CRTC3: variants seen among roughly 807,000 people sequenced by gnomAD.
CRTC3 encodes the protein CREB-regulated transcription coactivator 3.
CRTC3 carries 26 observed loss-of-function variants against 74.5 expected under a neutral mutation model. The ratio of observed to expected loss-of-function variants is 0.35; its 90% CI spans 0.26 to 0.48. The LOEUF (loss-of-function observed/expected upper bound fraction) is 0.48, where lower values mean the gene tolerates loss of function less well. Ranked by LOEUF, CRTC3 falls within the 20% of genes least tolerant of loss-of-function variation. The pLI, the probability that CRTC3 is intolerant of heterozygous loss-of-function variation, is 0.99. For missense variants in CRTC3, 760 were observed against 787.3 expected (o/e 0.97, Z 0.41); for synonymous variants, 377 against 325.8 (o/e 1.16, Z -1.69).
chr15:90,637,711 A>G (rs1326679075), intron 11 of CRTC3: 1 of 152,150 alleles, frequency 6.6e-6, no homozygotes, highest in Admixed American at 6.5e-5. Context: ...GCAGAAGCAC[A>G]CTCAAGGCAA....
intron 11 of CRTC3, among the ~76,000 whole-genome samples, chr15:90,632,505 G>A (rs1054387832): frequency 1.3e-5 from 2 of 152,092 alleles, no homozygotes; most frequent in African/African-American, 2.4e-5. Context: ...AGTTCTAAAG[G>A]GCTTGTTATA....
At chr15:90,553,487 A>G (rs1359439526) in intron 2 of CRTC3, among the ~76,000 whole-genome samples, 1 of 152,174 alleles carries the variant, frequency 6.6e-6, no homozygotes, top group Non-Finnish European at 1.5e-5. Flanking sequence ...CTAGCCGTAC[A>G]TGTTGAATAG....
Position 90,645,229 on chromosome 15 carries a change from G to C in CRTC3, c.*3089G>C. The C allele has an allele frequency of 4.4e-6, 1 of 228,204 alleles. No individual in the cohort carries two copies. The highest frequency in any genetic ancestry group is 6.3e-5 in the East Asian group (1 of 15,964). The allele number at this position is 228,204 out of a possible 1,614,324, so 14.1% of individuals were successfully genotyped here. ...TCCTGCCAGTGTCCTAACCCCCAGG[G>C]CACCCTGTTCAACCATATTTAAAAA... On this transcript the variant is annotated 3_prime_UTR_variant, in exon 15 of 15. Coordinates refer to ENST00000268184, the MANE Select transcript of CRTC3 (RefSeq NM_022769.5).
In CRTC3 at chr15:90,608,067, G is replaced by A. The variant is rs1330893569; in HGVS notation, c.577+589G>A. On this transcript the variant is annotated intron_variant, in intron 6 of 14. Transcript: ENST00000268184. Reference sequence around the variant, plus strand: ...CTCGGGGAGGGAGGGTGGAGCAGAGGCCTGCTGCCTTGAGATGGGGGAAGA... The same window carrying A: ...CTCGGGGAGGGAGGGTGGAGCAGAGACCTGCTGCCTTGAGATGGGGGAAGA... 2.0e-5 allele frequency among the ~76,000 whole-genome samples: 3 copies of A among 152,124 alleles called. No homozygotes were observed. The East Asian group carries it at 5.8e-4, about 29-fold the overall frequency.
chr15:90,627,119 A>G (rs1329183646), intron 10 of CRTC3, among the ~76,000 whole-genome samples: 2 of 152,254 alleles, frequency 1.3e-5, no homozygotes, highest in Admixed American at 1.3e-4. Flanking sequence ...CACCCAAATG[A>G]GAGTGGTCCC....
At position 90,644,410 on chromosome 15, in the gene CRTC3, A is replaced by G. The variant is rs1030618294; in HGVS notation, c.*2270A>G. On this transcript the variant is annotated 3_prime_UTR_variant, in exon 15 of 15. Coordinates refer to ENST00000268184, the MANE Select transcript of CRTC3 (RefSeq NM_022769.5). ...ATAGTCACTCTTCACATAGTGCCTT[A>G]CCCATGGGTATCGTCATATCCGGGT... is the stretch of plus-strand genomic sequence containing the variant. 3 of 230,822 alleles carry G rather than the reference A, an allele frequency of 1.3e-5. No homozygotes were observed. Among genetic ancestry groups the G allele is most frequent in the Non-Finnish European group, 2.6e-5 (3 of 116,594 alleles). 14.3% of individuals were successfully genotyped at this position (230,822 alleles called of 1,614,324 possible). A position where few individuals can be genotyped will look rare whatever the true frequency, so the allele number is the denominator to read the frequency against.
At chr15:90,630,206 T>C (rs1415562681) in intron 11 of CRTC3, among the ~76,000 whole-genome samples, 5 of 152,182 alleles carry the variant, frequency 3.3e-5, no homozygotes, top group Non-Finnish European at 7.3e-5. Context: ...GATTTCAAAG[T>C]TGGCATGGAA....
chr15:90,611,998 CCTT>C lies in CRTC3; in HGVS notation c.578-2451_578-2449del, dbSNP rs560911190. 5.4e-5 allele frequency among the ~76,000 whole-genome samples: 8 copies of C among 149,102 alleles called. No homozygotes were observed. In the East Asian group the frequency reaches 1.4e-3, roughly 26 times the overall value. On this transcript the variant is annotated intron_variant, in intron 6 of 14. Transcript: ENST00000268184. ...AGCCACACTCTTCCATCTTCCTTCT[CCTT>C]CTTATCCTTCCCCAACCACCCCCCA...
intron 2 of CRTC3, among the ~76,000 whole-genome samples, chr15:90,546,036 GT>G (rs1272350552): frequency 6.6e-6 from 1 of 152,132 alleles, no homozygotes; most frequent in Non-Finnish European, 1.5e-5. Flanking sequence ...AAGAGTAGAA[GT>G]TTTAAGTTTT....
At chr15:90,556,958 CTATATATATATATATATATATATATA>C (rs6145675) in intron 2 of CRTC3, among the ~76,000 whole-genome samples, 5 of 130,556 alleles carry the variant, frequency 3.8e-5, no homozygotes, top group African/African-American at 6.2e-5. Flanking sequence ...CACCACATGG[CTATATATATATATATATATATATATA>C]TATATATATA....
At chr15:90,558,634 T>C (rs926520630) in intron 2 of CRTC3, among the ~76,000 whole-genome samples, 1 of 152,048 alleles carries the variant, frequency 6.6e-6, no homozygotes, top group East Asian at 1.9e-4. Context: ...CACTCAAATA[T>C]CACCTGTCAG....
chr15:90,608,927 T>G (rs1264656516), intron 6 of CRTC3, among the ~76,000 whole-genome samples: 1 of 152,222 alleles, frequency 6.6e-6, no homozygotes, highest in African/African-American at 2.4e-5. Flanking sequence ...ATATGCAGAT[T>G]GACTCTTGCC....
intron 2 of CRTC3, among the ~76,000 whole-genome samples, chr15:90,592,793 A>G (rs1397663541): frequency 6.6e-6 from 1 of 152,198 alleles, no homozygotes; most frequent in African/African-American, 2.4e-5. Flanking sequence ...TGGGTGTCCC[A>G]TCTACAGGGA....
chr15:90,642,005 G>A lies in CRTC3; in HGVS notation c.1725G>A (p.Val575=), dbSNP rs376177897. 1.9e-6 allele frequency: 3 copies of A among 1,613,886 alleles called. No homozygotes were observed. Among genetic ancestry groups the A allele is most frequent in the African/African-American group, 2.7e-5 (2 of 75,032 alleles). ...LAGLPEVSLN[V]DTPFPLEEEL... ...GCCTGCCTGAGGTCAGCCTGAACGT[G>A]GACACTCCATTTCCACTGGAAGAGG... Residue 575 remains valine, a synonymous_variant, in exon 15 of 15, where the codon GTG becomes GTA. Transcript: ENST00000268184.
chr15:90,567,691 A>AAAAT (rs143830684), intron 2 of CRTC3, among the ~76,000 whole-genome samples: 1,611 of 145,670 alleles, frequency 0.011, 21 homozygotes, highest in African/African-American at 0.03. Flanking sequence ...TCCGTCTCAA[A>AAAAT]AAATAAATAA....
At chr15:90,545,549 C>CTG (rs1966842750) in intron 2 of CRTC3, among the ~76,000 whole-genome samples, 1 of 149,740 alleles carries the variant, frequency 6.7e-6, no homozygotes, top group South Asian at 2.1e-4. Context: ...ACAGGCGCGC[C>CTG]CCACCACACC....
At chr15:90,624,820 G>A (rs944849956) in intron 9 of CRTC3, 1 of 152,418 alleles carries the variant, frequency 6.6e-6, no homozygotes, top group African/African-American at 2.4e-5. Flanking sequence ...TTCCCAAAGG[G>A]AACGTACCAC....
At chr15:90,639,488 C>T (rs1351684143) in intron 13 of CRTC3, among the ~76,000 whole-genome samples, 17 of 140,770 alleles carry the variant, frequency 1.2e-4, no homozygotes, top group Middle Eastern at 4.1e-3. Flanking sequence ...CTTAATCTGT[C>T]GCCTAGGCTG....
At chr15:90,582,616 AAC>A (rs1249292498) in intron 2 of CRTC3, among the ~76,000 whole-genome samples, 2 of 152,230 alleles carry the variant, frequency 1.3e-5, no homozygotes, top group Non-Finnish European at 1.5e-5. Flanking sequence ...ATGTACATAT[AAC>A]ACTGTATTGT....
Sources: allele counts gnomAD v4.1 joint callset (sites outside exome capture counted in the v4.1 genomes callset), GRCh38; gene constraint gnomAD v4.1.1; transcripts MANE v1.5; gene names NCBI Gene and HGNC (gene_info 2026-07-23, HGNC 2026-07-21).